Variants in PIK3C2G observed in about 807,000 individuals in gnomAD.
PIK3C2G encodes the protein phosphatidylinositol 3-kinase C2 domain-containing subunit gamma.
A neutral mutation model predicts 181.1 loss-of-function variants in PIK3C2G; 168 were observed. That is an observed-to-expected ratio of 0.93 (90% CI 0.82 to 1.05). The LOEUF is 1.05. PIK3C2G is among the 50% of genes least tolerant of loss of function. The pLI, the probability that PIK3C2G is intolerant of heterozygous loss-of-function variation, is 0.00. For synonymous variants in PIK3C2G, 573 were observed against 592.2 expected (o/e 0.97, Z 0.47); for missense variants, 1,869 against 1,732.8 (o/e 1.08, Z -1.40).
the PIK3C2G span, among the ~76,000 whole-genome samples, chr12:18,702,696 A>G: frequency 6.6e-6 from 1 of 152,134 alleles, no homozygotes. Context: ...ACAAATTCCT[A>G]GGATCTACTT....
At chr12:18,327,952 C>T (rs1342377572) in intron 8 of PIK3C2G, among the ~76,000 whole-genome samples, 3 of 151,862 alleles carry the variant, frequency 2.0e-5, no homozygotes, top group Non-Finnish European at 2.9e-5. Context: ...TAAATCGTAG[C>T]CTTGGAGAAA....
At chr12:18,253,658 A>G (rs1948116385) in intron 1 of PIK3C2G, among the ~76,000 whole-genome samples, 1 of 152,184 alleles carries the variant, frequency 6.6e-6, no homozygotes, top group South Asian at 2.1e-4. Flanking sequence ...AGTGACCGCC[A>G]CACTCTGGAG....
At chr12:18,319,722 A>G (rs1393657015) in intron 6 of PIK3C2G, among the ~76,000 whole-genome samples, 1 of 152,174 alleles carries the variant, frequency 6.6e-6, no homozygotes, top group Non-Finnish European at 1.5e-5. Flanking sequence ...GCCAAATATT[A>G]CAGTTCAAAT....
intron 24 of PIK3C2G, among the ~76,000 whole-genome samples, chr12:18,520,565 A>G (rs1273315076): frequency 3.9e-5 from 6 of 152,018 alleles, no homozygotes; most frequent in African/African-American, 1.4e-4. Context: ...CAGCTCCATT[A>G]GGTCATTTAT....
chr12:18,659,663 C>CTTT, the PIK3C2G span, among the ~76,000 whole-genome samples: 40,781 of 133,540 alleles, frequency 0.31, 7,523 homozygotes, highest in South Asian at 0.51. Flanking sequence ...GTTCTCCATT[C>CTTT]TTTTTTTTTT....
At chr12:18,724,988 C>T in the PIK3C2G span, among the ~76,000 whole-genome samples, 1 of 152,062 alleles carries the variant, frequency 6.6e-6, no homozygotes, top group African/African-American at 2.4e-5. Context: ...TGTTTTGTCT[C>T]GTGTTCTTCT....
chr12:18,587,748 CAAACA>C (rs147292830), intron 29 of PIK3C2G, among the ~76,000 whole-genome samples: 3,416 of 151,012 alleles, frequency 0.023, 87 homozygotes, highest in East Asian at 0.076. Flanking sequence ...CAATAACAAC[CAAACA>C]AAACAAAACA....
chr12:18,282,460 G>T lies in PIK3C2G; in HGVS notation c.379G>T (p.Gly127Ter). The change falls in exon 2 of 33, where the codon GGA (glycine) becomes TGA (stop). Residue 127 changes from glycine to a stop codon, truncating the protein, a stop_gained. Transcript: ENST00000538779. LOFTEE classifies it high-confidence loss of function. Reference sequence around the variant, plus strand: ...AAATACGAATAAAGAATGCTCCTGGGGAAGCCCCATAGGAAAACATCATGG... The same window carrying T: ...AAATACGAATAAAGAATGCTCCTGGTGAAGCCCCATAGGAAAACATCATGG... Reference protein sequence around the residue: ...PQNTNKECSWGSPIGKHHGAD... With the variant: ...PQNTNKECSW 1.3e-6 allele frequency: 2 copies of T among 1,592,286 alleles called. No homozygotes were observed. The highest frequency in any genetic ancestry group is 8.6e-7 in the Non-Finnish European group (1 of 1,167,570).
At chr12:18,573,684 T>C (rs1398201451) in intron 29 of PIK3C2G, among the ~76,000 whole-genome samples, 14 of 152,184 alleles carry the variant, frequency 9.2e-5, no homozygotes, top group Admixed American at 7.9e-4. Flanking sequence ...TGGCCTAACC[T>C]ACTATCACCA....
At chr12:18,435,996 G>A (rs1000250755) in intron 18 of PIK3C2G, among the ~76,000 whole-genome samples, 1 of 151,304 alleles carries the variant, frequency 6.6e-6, no homozygotes, top group Admixed American at 6.6e-5. Flanking sequence ...GATTCAACTG[G>A]TTTACAATTA....
chr12:18,558,858 T>C (rs1358048869), intron 26 of PIK3C2G, among the ~76,000 whole-genome samples: 2 of 152,216 alleles, frequency 1.3e-5, no homozygotes, highest in Non-Finnish European at 2.9e-5. Flanking sequence ...TATCAAATTC[T>C]ATATTTTTAC....
At chr12:18,320,721 G>A (rs139035145) in intron 6 of PIK3C2G, among the ~76,000 whole-genome samples, 53 of 152,324 alleles carry the variant, frequency 3.5e-4, no homozygotes, top group African/African-American at 7.2e-4. Context: ...CTGATGCCAC[G>A]ATGTTTTTCA....
At chr12:18,555,671 A>G (rs1373242092) in intron 26 of PIK3C2G, among the ~76,000 whole-genome samples, 4 of 152,144 alleles carry the variant, frequency 2.6e-5, no homozygotes, top group Non-Finnish European at 2.9e-5. Flanking sequence ...GAAATATGTT[A>G]CATTTTTTTT....
At chr12:18,459,995 C>T (rs1455390688) in intron 18 of PIK3C2G, among the ~76,000 whole-genome samples, 1 of 152,184 alleles carries the variant, frequency 6.6e-6, no homozygotes, top group Non-Finnish European at 1.5e-5. Flanking sequence ...AAACTCCTGA[C>T]CTCAAGTAAG....
the PIK3C2G span, among the ~76,000 whole-genome samples, chr12:18,723,000 G>A: frequency 6.6e-6 from 1 of 151,584 alleles, no homozygotes; most frequent in South Asian, 2.1e-4. Flanking sequence ...CTTCTAATAG[G>A]GTACATGTAA....
chr12:18,267,789 G>T (rs1053431402), intron 1 of PIK3C2G, among the ~76,000 whole-genome samples: 1 of 152,126 alleles, frequency 6.6e-6, no homozygotes, highest in Non-Finnish European at 1.5e-5. Flanking sequence ...CCAATATATA[G>T]TTCTTCTTTT....
intron 29 of PIK3C2G, among the ~76,000 whole-genome samples, chr12:18,579,105 T>C (rs1381737091): frequency 1.3e-5 from 2 of 152,104 alleles, no homozygotes; most frequent in African/African-American, 4.8e-5. Flanking sequence ...GACTTTAAAT[T>C]TTTACTGACA....
At chr12:18,251,540 T>C (rs1948095454) in intron 1 of PIK3C2G, among the ~76,000 whole-genome samples, 1 of 152,018 alleles carries the variant, frequency 6.6e-6, no homozygotes, top group Non-Finnish European at 1.5e-5. Context: ...AATACATCAA[T>C]GTGTCCCACT....
At chr12:18,606,613 T>C (rs6486909) in intron 30 of PIK3C2G, among the ~76,000 whole-genome samples, 38,535 of 151,920 alleles carry the variant, frequency 0.25, 4,904 homozygotes, top group African/African-American at 0.31. Flanking sequence ...GTATAAATTA[T>C]TCAAATAAAC....
Sources: allele counts gnomAD v4.1 joint callset (sites outside exome capture counted in the v4.1 genomes callset), GRCh38; gene constraint gnomAD v4.1.1; transcripts MANE v1.5; gene names NCBI Gene and HGNC (gene_info 2026-07-23, HGNC 2026-07-21).